CCDC117: variants seen among roughly 807,000 people sequenced by gnomAD.
CCDC117 encodes the protein coiled-coil domain-containing protein 117.
A neutral mutation model predicts 23.5 loss-of-function variants in CCDC117; 1 was observed. The ratio of observed to expected loss-of-function variants is 0.04; its 90% CI spans 0.02 to 0.20. The LOEUF is 0.20. CCDC117 is among the 10% of genes least tolerant of loss of function. The probability of loss-of-function intolerance (pLI) is 1.00; values close to 1 mark genes in which losing one functional copy is unlikely to be tolerated. For missense variants in CCDC117, 383 were observed against 348.2 expected (o/e 1.10, Z -0.80); for synonymous variants, 132 against 124.8 (o/e 1.06, Z -0.39).
rs778096689 is a variant in CCDC117, at chr22:28,773,743, AAAG to A, written c.207_209del (p.Lys70del). ...TCAACAGTGTTTCTGTTCACTGTAA[AAAG>A]AAACACAAGCGAGAGGAGGAGGAGG... On this transcript the variant is annotated inframe_deletion, in exon 2 of 5. Transcript: ENST00000249064. The A allele has an allele frequency of 3.1e-6, 5 of 1,613,894 alleles. No individual in the cohort carries two copies. Among genetic ancestry groups the A allele is most frequent in the Non-Finnish European group, 3.4e-6 (4 of 1,179,840 alleles).
chr22:28,786,689 TAAG>T lies in CCDC117; in HGVS notation c.*367_*369del, dbSNP rs756410442. 70 of 200,698 alleles carry T rather than the reference TAAG, an allele frequency of 3.5e-4. No homozygotes were observed. The highest frequency in any genetic ancestry group is 6.7e-4 in the Non-Finnish European group (65 of 96,668). 12.4% of individuals were successfully genotyped at this position (200,698 alleles called of 1,614,324 possible). A position where few individuals can be genotyped will look rare whatever the true frequency, so the allele number is the denominator to read the frequency against. ...TTCTCCTTGAATTAAAAAAGATGATTAAGAAGGATGCTCCTACAACTGTATCCT... is the reference window on the plus strand; with the variant it reads ...TTCTCCTTGAATTAAAAAAGATGATTAAGGATGCTCCTACAACTGTATCCT... On this transcript the variant is annotated 3_prime_UTR_variant, in exon 5 of 5. Coordinates refer to ENST00000249064, the MANE Select transcript of CCDC117 (RefSeq NM_173510.4).
intron 2 of CCDC117, among the ~76,000 whole-genome samples, chr22:28,779,957 A>G (rs1364239219): frequency 2.0e-5 from 3 of 152,234 alleles, no homozygotes; most frequent in African/African-American, 2.4e-5. Flanking sequence ...CACTGGGTAT[A>G]TCGTAGTGCT....
At chr22:28,776,596 T>G (rs985844877) in intron 2 of CCDC117, among the ~76,000 whole-genome samples, 1 of 151,334 alleles carries the variant, frequency 6.6e-6, no homozygotes, top group African/African-American at 2.4e-5. Flanking sequence ...AATTTTTTTT[T>G]TTTTTGAGAC....
intron 2 of CCDC117, among the ~76,000 whole-genome samples, chr22:28,777,375 T>TA (rs1207877290): frequency 1.3e-5 from 2 of 152,148 alleles, no homozygotes; most frequent in Non-Finnish European, 2.9e-5. Flanking sequence ...GTTTGTTTTG[T>TA]AATTATTTGT....
At chr22:28,781,271 C>T in intron 3 of CCDC117, 99 bp downstream of exon 3, 1 of 625,834 alleles carries the variant, frequency 1.6e-6, no homozygotes, top group Non-Finnish European at 2.9e-6. Flanking sequence ...TACCTTGATC[C>T]TTAGCCTCTC....
chr22:28,786,030 A>G, intron 4 of CCDC117, 59 bp from the exon 5 acceptor site: 1 of 1,273,134 alleles, frequency 7.9e-7, no homozygotes, highest in Non-Finnish European at 1.1e-6. Flanking sequence ...TTTTCAACCT[A>G]CAGCTTTTGT....
rs904757296 is a variant in CCDC117 at position 28,781,054 on chromosome 22, A to G, written c.346A>G (p.Ser116Gly). 9.3e-6 allele frequency: 15 copies of G among 1,613,874 alleles called. No individual in the cohort carries two copies. Among genetic ancestry groups the G allele is most frequent in the Non-Finnish European group, 1.2e-5 (14 of 1,179,898 alleles). Reference protein sequence around the residue: ...QDVEGHGVNPSVSGLSIPGIL... With the variant: ...QDVEGHGVNPGVSGLSIPGIL... ...TGTAGAGGGGCATGGAGTAAATCCC[A>G]GTGTTAGTGGCCTTTCCATACCTGG... Residue 116 changes from serine to glycine, a missense_variant, in exon 3 of 5, where the codon AGT (serine) becomes GGT (glycine). Ser to Gly is a moderately conservative substitution (Grantham distance 56, BLOSUM62 0). Transcript: ENST00000249064.
In CCDC117 at chr22:28,789,017, C is replaced by A. The variant is rs2031598859; in HGVS notation, c.*2691C>A. The stretch of plus-strand genomic sequence containing the variant: ...AATTATATGAAGAAAGTCCAGTTCT[C>A]ATAAATATTGATCACTTAAAAAACT... On this transcript the variant is annotated 3_prime_UTR_variant, in exon 5 of 5. Coordinates refer to ENST00000249064, the MANE Select transcript of CCDC117 (RefSeq NM_173510.4). 6.9e-6 allele frequency: 1 copy of A among 144,794 alleles called. No individual in the cohort carries two copies. 9.0% of individuals were successfully genotyped at this position (144,794 alleles called of 1,614,324 possible).
rs747096161 is a variant in CCDC117, at chr22:28,783,503, T to G, written c.465-5T>G. The G allele has an allele frequency of 1.2e-6, 2 of 1,611,418 alleles. No individual in the cohort carries two copies. Among genetic ancestry groups the G allele is most frequent in the Non-Finnish European group, 8.5e-7 (1 of 1,179,244 alleles). On this transcript the variant is annotated splice_polypyrimidine_tract_variant and splice_region_variant and intron_variant, in intron 3 of 4. Coordinates refer to ENST00000249064, the MANE Select transcript of CCDC117 (RefSeq NM_173510.4). The stretch of plus-strand genomic sequence containing the variant: ...TTCTTTCTTCTGCTGCCTTAATTGA[T>G]TTAGGATAATTGATGAAGATGAAGA...
chr22:28,781,311 T>C (rs1189903992), intron 3 of CCDC117, 139 bp downstream of exon 3: 1 of 479,930 alleles, frequency 2.1e-6, no homozygotes, highest in African/African-American at 1.9e-5. Flanking sequence ...ATTCAAAGTG[T>C]ATTCGTTTTT....
At chr22:28,782,470 G>T (rs528664978) in intron 3 of CCDC117, among the ~76,000 whole-genome samples, 1 of 151,662 alleles carries the variant, frequency 6.6e-6, no homozygotes, top group African/African-American at 2.4e-5. Context: ...ACAGAGTCTC[G>T]CTCTGTTGCT....
rs1466140492 is a variant in CCDC117, at chr22:28,781,063, G to A, written c.355G>A (p.Gly119Ser). The change falls in exon 3 of 5, where the codon GGC (glycine) becomes AGC (serine). Residue 119 changes from glycine to serine, a missense_variant. Coordinates refer to ENST00000249064, the MANE Select transcript of CCDC117 (RefSeq NM_173510.4). ...EGHGVNPSVSGLSIPGILDVI... is the reference protein window; with the variant it reads ...EGHGVNPSVSSLSIPGILDVI... ...GCATGGAGTAAATCCCAGTGTTAGT[G>A]GCCTTTCCATACCTGGGATATTAGA... 1 of 1,613,632 alleles carries A rather than the reference G, an allele frequency of 6.2e-7. No individual in the cohort carries two copies. The highest frequency in any genetic ancestry group is 8.5e-7 in the Non-Finnish European group (1 of 1,179,662).
intron 3 of CCDC117, among the ~76,000 whole-genome samples, chr22:28,782,780 C>T (rs1252262983): frequency 6.6e-6 from 1 of 152,112 alleles, no homozygotes; most frequent in Non-Finnish European, 1.5e-5. Context: ...TGATGTTGGC[C>T]AGGCTGGTCT....
intron 2 of CCDC117, among the ~76,000 whole-genome samples, chr22:28,774,133 T>C: frequency 6.6e-6 from 1 of 150,938 alleles, no homozygotes; most frequent in East Asian, 2.0e-4. Context: ...AGTGGCGCTA[T>C]GTGGGCTCAC....
At chr22:28,774,864 G>T (rs1452839004) in intron 2 of CCDC117, among the ~76,000 whole-genome samples, 1 of 152,094 alleles carries the variant, frequency 6.6e-6, no homozygotes, top group Non-Finnish European at 1.5e-5. Flanking sequence ...ACATTTGTAG[G>T]AAGATATGGT....
intron 4 of CCDC117, among the ~76,000 whole-genome samples, chr22:28,785,003 C>T (rs754360511): frequency 5.3e-5 from 8 of 152,142 alleles, no homozygotes; most frequent in Non-Finnish European, 1.0e-4. Flanking sequence ...ATCTCCTGAC[C>T]TTGTGATCCA....
Position 28,786,629 on chromosome 22 carries a change from C to T in CCDC117, c.*303C>T. 3.6e-6 allele frequency: 1 copy of T among 277,874 alleles called. No homozygotes were observed. The highest frequency in any genetic ancestry group is 7.9e-5 in the East Asian group (1 of 12,660). The allele number at this position is 277,874 out of a possible 1,614,324, so 17.2% of individuals were successfully genotyped here. On this transcript the variant is annotated 3_prime_UTR_variant, in exon 5 of 5. Transcript: ENST00000249064. Reference sequence around the variant, plus strand: ...TGTAAGGGTGACTTAAATCATATGTCACATTGTCTAAACTATTCAGACACT... The same window carrying T: ...TGTAAGGGTGACTTAAATCATATGTTACATTGTCTAAACTATTCAGACACT...
chr22:28,785,865 G>A (rs2031494408), intron 4 of CCDC117, among the ~76,000 whole-genome samples: 1 of 151,326 alleles, frequency 6.6e-6, no homozygotes, highest in African/African-American at 2.4e-5. Context: ...AAAGGCTGCG[G>A]TGAGCTATGA....
chr22:28,773,420 TAGTG>T (rs2031058568), intron 1 of CCDC117: 1 of 348,724 alleles, frequency 2.9e-6, no homozygotes, highest in South Asian at 6.0e-5. Context: ...TGGGTCCTCT[TAGTG>T]AGATTATTTA....
Sources: allele counts gnomAD v4.1 joint callset (sites outside exome capture counted in the v4.1 genomes callset), GRCh38; gene constraint gnomAD v4.1.1; transcripts MANE v1.5; gene names NCBI Gene and HGNC (gene_info 2026-07-23, HGNC 2026-07-21).